EDIL3: variants seen among roughly 807,000 people sequenced by gnomAD.
EDIL3 encodes EGF-like repeat and discoidin I-like domain-containing protein 3.
A neutral mutation model predicts 67.4 loss-of-function variants in EDIL3; 37 were observed. The observed-to-expected ratio is 0.55, with a 90% CI of 0.42 to 0.72. EDIL3 has a LOEUF of 0.72. EDIL3 is among the 30% of genes least tolerant of loss of function. EDIL3 has a pLI of 0.00. For synonymous variants in EDIL3, 195 were observed against 196.3 expected, an observed-to-expected ratio of 0.99 and a Z score of 0.05; for missense variants, 527 against 586.3, an observed-to-expected ratio of 0.90 and a Z score of 1.04.
chr5:84,132,472 A>ATATATATTTTAATATATAT (rs1580342174), intron 5 of EDIL3, among the ~76,000 whole-genome samples: 1 of 65,936 alleles, frequency 1.5e-5, no homozygotes, highest in East Asian at 4.3e-4. Context: ...TTTATATATA[A>ATATATATTTTAATATATAT]TATATATTTT....
At chr5:84,013,183 ATG>A (rs761294627) in intron 9 of EDIL3, among the ~76,000 whole-genome samples, 4 of 151,948 alleles carry the variant, frequency 2.6e-5, no homozygotes, top group African/African-American at 7.2e-5. Flanking sequence ...TCATATACAT[ATG>A]TGTGTATATA....
At chr5:84,117,102 A>G (rs910010922) in intron 5 of EDIL3, among the ~76,000 whole-genome samples, 127 of 130,212 alleles carry the variant, frequency 9.8e-4, no homozygotes, top group Non-Finnish European at 1.5e-3. Flanking sequence ...ATCTCGGCTC[A>G]CTGCAAGCTC....
chr5:84,100,146 A>G (rs1192170909), intron 6 of EDIL3, among the ~76,000 whole-genome samples: 1 of 152,182 alleles, frequency 6.6e-6, no homozygotes, highest in African/African-American at 2.4e-5. Context: ...AATTAGTTCA[A>G]CCATTGTGGA....
chr5:84,001,549 C>G (rs997822560), intron 9 of EDIL3, among the ~76,000 whole-genome samples: 5 of 151,760 alleles, frequency 3.3e-5, no homozygotes, highest in African/African-American at 9.6e-5. Context: ...CTTACTCCCC[C>G]ACTGCCAAAA....
chr5:84,311,713 G>A (rs1436291736), intron 1 of EDIL3, among the ~76,000 whole-genome samples: 1 of 152,092 alleles, frequency 6.6e-6, no homozygotes, highest in Non-Finnish European at 1.5e-5. Flanking sequence ...GCGGCCTTCC[G>A]CAGTGTTTGT....
Position 84,066,615 on chromosome 5 carries a change from A to T in EDIL3, c.652-9T>A, listed in dbSNP as rs1283404508. The T allele has an allele frequency of 2.5e-6, 4 of 1,611,034 alleles. No individual in the cohort carries two copies. Among genetic ancestry groups the T allele is most frequent in the African/African-American group, 2.7e-5 (2 of 74,936 alleles). On this transcript the variant is annotated splice_polypyrimidine_tract_variant and intron_variant, in intron 6 of 10. Transcript: ENST00000296591. ...TTCCTTTGCAAATTTATCTGAAAAG[A>T]CGAGCACAACCAACAATAATCTTAT...
chr5:83,978,535 G>T (rs1227662811), intron 9 of EDIL3, among the ~76,000 whole-genome samples: 1 of 151,946 alleles, frequency 6.6e-6, no homozygotes, highest in Non-Finnish European at 1.5e-5. Flanking sequence ...GAAAAACCTA[G>T]ATAATTTGCT....
chr5:84,271,185 G>A (rs562948996), intron 1 of EDIL3, among the ~76,000 whole-genome samples: 142 of 152,166 alleles, frequency 9.3e-4, no homozygotes, highest in African/African-American at 3.3e-3. Context: ...AAATTAGAAT[G>A]CCCGTTTAAC....
chr5:84,002,365 T>C (rs1185150777), intron 9 of EDIL3, among the ~76,000 whole-genome samples: 2 of 152,170 alleles, frequency 1.3e-5, no homozygotes, highest in South Asian at 2.1e-4. Flanking sequence ...GTATTTTCTC[T>C]AAGATCTGGG....
intron 6 of EDIL3, among the ~76,000 whole-genome samples, chr5:84,090,458 C>T (rs148056315): frequency 1.3e-4 from 20 of 152,164 alleles, no homozygotes; most frequent in Non-Finnish European, 2.4e-4. Context: ...TACATTTTCT[C>T]GGGATAACCA....
intron 4 of EDIL3, among the ~76,000 whole-genome samples, chr5:84,174,822 T>G (rs569850883): frequency 4.5e-4 from 68 of 152,250 alleles, no homozygotes; most frequent in South Asian, 4.1e-4. Flanking sequence ...TTGTTATTTG[T>G]TTTTTGTTGT....
At chr5:84,273,446 T>A (rs1465383874) in intron 1 of EDIL3, among the ~76,000 whole-genome samples, 2 of 152,180 alleles carry the variant, frequency 1.3e-5, no homozygotes, top group Non-Finnish European at 2.9e-5. Context: ...AATCTCTTCA[T>A]GTTTTGCTCC....
At chr5:84,199,474 C>T (rs1183161407) in intron 3 of EDIL3, among the ~76,000 whole-genome samples, 1 of 151,712 alleles carries the variant, frequency 6.6e-6, no homozygotes, top group Non-Finnish European at 1.5e-5. Context: ...CACTATTAAC[C>T]AAAAGCAGGA....
At chr5:84,150,314 C>T (rs1423638038) in intron 4 of EDIL3, among the ~76,000 whole-genome samples, 1 of 152,090 alleles carries the variant, frequency 6.6e-6, no homozygotes, top group East Asian at 1.9e-4. Context: ...TCCATAAACT[C>T]CTGCTCCCCA....
At position 84,176,763 on chromosome 5, in the gene EDIL3, G is replaced by GTA. The variant is rs1748923474; in HGVS notation, c.355+3629_355+3630insTA. ...TGTGTATGTGTGTATATATGTGTGT[G>GTA]TGTGTGTGCCTGTGTGTGAGCGCAT... On this transcript the variant is annotated intron_variant, in intron 4 of 10. Coordinates refer to ENST00000296591, the MANE Select transcript of EDIL3 (RefSeq NM_005711.5). Among the ~76,000 whole-genome samples, 6 of 151,030 alleles carry GTA rather than the reference G, an allele frequency of 4.0e-5. No individual in the cohort carries two copies. In the Admixed American group the frequency reaches 4.0e-4, roughly 10 times the overall value.
Position 84,105,085 on chromosome 5 carries a change from A to G in EDIL3, c.651+1564T>C, listed in dbSNP as rs563304282. Among the ~76,000 whole-genome samples the G allele has an allele frequency of 3.5e-4, 53 of 152,224 alleles. No individual in the cohort carries two copies. In the South Asian group the frequency reaches 7.0e-3, roughly 20 times the overall value. ...CTACAAATGCATTTCAACTAGAGTG[A>G]TTAAAAATGTCTCTGGAATGATTAT... On this transcript the variant is annotated intron_variant, in intron 6 of 10. Coordinates refer to ENST00000296591, the MANE Select transcript of EDIL3 (RefSeq NM_005711.5).
At chr5:84,242,776 C>T (rs1008528046) in intron 2 of EDIL3, among the ~76,000 whole-genome samples, 2 of 121,538 alleles carry the variant, frequency 1.6e-5, no homozygotes, top group Non-Finnish European at 3.2e-5. Context: ...CCAGCATAGG[C>T]GACAGAGACC....
In EDIL3 at chr5:84,275,082, T is replaced by C. The variant is rs559909399; in HGVS notation, c.68-20870A>G. 2.1e-4 allele frequency among the ~76,000 whole-genome samples: 32 copies of C among 152,278 alleles called. No individual in the cohort carries two copies. In the South Asian group the frequency reaches 6.2e-3, roughly 30 times the overall value. The stretch of plus-strand genomic sequence containing the variant: ...TGTAATGACAAGTCACACAGCCAGG[T>C]GGCGGCACATTTTTGGATTGGAATC... On this transcript the variant is annotated intron_variant, in intron 1 of 10. Coordinates refer to ENST00000296591, the MANE Select transcript of EDIL3 (RefSeq NM_005711.5).
At chr5:83,952,220 C>T (rs1172679157) in intron 10 of EDIL3, among the ~76,000 whole-genome samples, 1 of 151,796 alleles carries the variant, frequency 6.6e-6, no homozygotes, top group African/African-American at 2.4e-5. Context: ...TCCTCCTTGA[C>T]TGTTACCTTC....
Sources: allele counts gnomAD v4.1 joint callset (sites outside exome capture counted in the v4.1 genomes callset), GRCh38; gene constraint gnomAD v4.1.1; transcripts MANE v1.5; gene names NCBI Gene and HGNC (gene_info 2026-07-23, HGNC 2026-07-21).